Variants in STK39 observed in about 807,000 individuals in gnomAD.
The protein encoded by STK39 is STE20/SPS1-related proline-alanine-rich protein kinase.
In STK39, 20 loss-of-function variants were observed where a neutral mutation model predicts 77.8. The observed-to-expected ratio is 0.26, with a 90% CI of 0.18 to 0.37. The LOEUF is 0.37. Ranked by LOEUF, STK39 falls within the 10% of genes least tolerant of loss-of-function variation. The pLI is 1.00. For missense variants in STK39, 479 were observed against 656.5 expected (o/e 0.73, Z 2.95); for synonymous variants, 246 against 234.1 (o/e 1.05, Z -0.47).
intron 14 of STK39, among the ~76,000 whole-genome samples, chr2:168,017,598 C>T (rs945632468): frequency 6.6e-6 from 1 of 151,840 alleles, no homozygotes; most frequent in Non-Finnish European, 1.5e-5. Context: ...TCCCAAACTC[C>T]CGACCTCAGG....
chr2:168,016,387 CAAAAAAAAAAA>C (rs869084308), intron 15 of STK39, among the ~76,000 whole-genome samples: 5 of 65,684 alleles, frequency 7.6e-5, no homozygotes, highest in Admixed American at 2.1e-4. Context: ...GGCCTTTGTT[CAAAAAAAAAAA>C]AAAAAAAAAA....
intron 15 of STK39, among the ~76,000 whole-genome samples, chr2:168,013,469 G>T (rs1684322007): frequency 6.6e-6 from 1 of 152,194 alleles, no homozygotes; most frequent in Admixed American, 6.5e-5. Flanking sequence ...TTGCTCAGAA[G>T]AACTGTTATA....
At chr2:167,974,707 T>C (rs560496409) in intron 16 of STK39, among the ~76,000 whole-genome samples, 2 of 152,346 alleles carry the variant, frequency 1.3e-5, no homozygotes, top group Non-Finnish European at 2.9e-5. Context: ...TTAATGCTCA[T>C]GCAGTTTCTG....
intron 1 of STK39, among the ~76,000 whole-genome samples, chr2:168,235,922 C>A (rs1690593054): frequency 6.6e-6 from 1 of 152,050 alleles, no homozygotes; most frequent in South Asian, 2.1e-4. Context: ...CATACGTGTG[C>A]ATGTGTCTTT....
intron 14 of STK39, among the ~76,000 whole-genome samples, chr2:168,034,463 T>G (rs1162485398): frequency 6.6e-6 from 1 of 152,194 alleles, no homozygotes; most frequent in East Asian, 1.9e-4. Flanking sequence ...TCCTGTCAAA[T>G]CAGAGGAAGT....
intron 17 of STK39, among the ~76,000 whole-genome samples, chr2:167,959,670 C>T (rs965451698): frequency 1.3e-5 from 2 of 152,168 alleles, no homozygotes; most frequent in African/African-American, 4.8e-5. Flanking sequence ...TAGCACTGAA[C>T]ACTCAAAAGA....
chr2:168,123,401 G>C (rs1559108303), intron 10 of STK39, among the ~76,000 whole-genome samples: 1 of 152,168 alleles, frequency 6.6e-6, no homozygotes, highest in East Asian at 1.9e-4. Context: ...TGCTAGGTAA[G>C]AGAGTATCCT....
chr2:168,234,674 G>A (rs1690550613), intron 1 of STK39, among the ~76,000 whole-genome samples: 1 of 152,134 alleles, frequency 6.6e-6, no homozygotes, highest in Non-Finnish European at 1.5e-5. Flanking sequence ...CCAGGCAAAA[G>A]GTGATGGCTG....
intron 1 of STK39, among the ~76,000 whole-genome samples, chr2:168,228,531 C>G (rs1000329052): frequency 1.3e-5 from 2 of 152,138 alleles, no homozygotes; most frequent in South Asian, 4.1e-4. Context: ...CGGCTCACAC[C>G]TGTAATCCCA....
rs773572100 is a variant in STK39, at chr2:167,964,626, A to C, written c.1563+36T>G. The C allele has an allele frequency of 2.6e-6, 4 of 1,564,296 alleles. No individual in the cohort carries two copies. The East Asian group carries it at 6.7e-5, about 26-fold the overall frequency. On this transcript the variant is annotated intron_variant, in intron 17 of 17. Coordinates refer to ENST00000355999, the MANE Select transcript of STK39 (RefSeq NM_013233.3). ...ATTCCCTGCTGGCACAGCATGGCAA[A>C]ATATTACCTCCTTCTTTCCATAACT... is the stretch of plus-strand genomic sequence containing the variant.
At chr2:168,087,075 T>C (rs1250515834) in intron 10 of STK39, among the ~76,000 whole-genome samples, 1 of 152,240 alleles carries the variant, frequency 6.6e-6, no homozygotes, top group South Asian at 2.1e-4. Flanking sequence ...AGGAACACTC[T>C]GTCCTGGTAA....
chr2:167,975,956 G>A (rs948769478), intron 16 of STK39, among the ~76,000 whole-genome samples: 3 of 152,214 alleles, frequency 2.0e-5, no homozygotes, highest in Non-Finnish European at 2.9e-5. Flanking sequence ...CTTTGCTGAA[G>A]GAGGCATTTG....
intron 1 of STK39, among the ~76,000 whole-genome samples, chr2:168,232,486 C>T (rs189460812): frequency 9.9e-5 from 15 of 152,266 alleles, no homozygotes; most frequent in African/African-American, 2.9e-4. Flanking sequence ...ACGAACAAAA[C>T]GAGCATCCAA....
intron 1 of STK39, among the ~76,000 whole-genome samples, chr2:168,183,464 A>AG (rs1689134147): frequency 6.6e-6 from 1 of 152,180 alleles, no homozygotes; most frequent in East Asian, 1.9e-4. Context: ...ACATAGAGCT[A>AG]ATAAGTACCT....
intron 16 of STK39, among the ~76,000 whole-genome samples, chr2:167,990,247 A>G (rs1469364529): frequency 6.6e-6 from 1 of 152,122 alleles, no homozygotes; most frequent in Non-Finnish European, 1.5e-5. Context: ...CCTAAGACAA[A>G]TGAAGGGCGC....
intron 10 of STK39, among the ~76,000 whole-genome samples, chr2:168,123,042 T>C (rs893466284): frequency 1.3e-5 from 2 of 152,220 alleles, no homozygotes; most frequent in East Asian, 3.8e-4. Flanking sequence ...ACCATGTGCC[T>C]CTTAATATGA....
intron 16 of STK39, among the ~76,000 whole-genome samples, chr2:167,970,544 G>T (rs1253497872): frequency 1.3e-5 from 2 of 152,178 alleles, no homozygotes; most frequent in Non-Finnish European, 2.9e-5. Context: ...TCTGAAAGAA[G>T]AACTATTCCT....
At chr2:168,052,364 T>C (rs1685420836) in intron 14 of STK39, among the ~76,000 whole-genome samples, 2 of 152,216 alleles carry the variant, frequency 1.3e-5, no homozygotes, top group Non-Finnish European at 2.9e-5. Flanking sequence ...AGAGAAAATA[T>C]CTTTAAAATA....
chr2:168,123,224 TAA>T (rs1687453833), intron 10 of STK39, among the ~76,000 whole-genome samples: 1 of 152,168 alleles, frequency 6.6e-6, no homozygotes, highest in South Asian at 2.1e-4. Context: ...TGTTCTAGAT[TAA>T]AAGAGACTAC....
Sources: allele counts gnomAD v4.1 joint callset (sites outside exome capture counted in the v4.1 genomes callset), GRCh38; gene constraint gnomAD v4.1.1; transcripts MANE v1.5; gene names NCBI Gene and HGNC (gene_info 2026-07-23, HGNC 2026-07-21).